Variants in ROBO1 observed in about 807,000 individuals in gnomAD.
ROBO1 encodes roundabout homolog 1.
In ROBO1, 149 loss-of-function variants were observed where a neutral mutation model predicts 195.9. The ratio of observed to expected loss-of-function variants is 0.76; its 90% CI spans 0.67 to 0.87. The LOEUF (loss-of-function observed/expected upper bound fraction) is 0.87. Ranked by LOEUF, ROBO1 falls within the 40% of genes least tolerant of loss-of-function variation. ROBO1 has a pLI of 0.00. For missense variants in ROBO1, 1,933 were observed against 2,068.3 expected, an observed-to-expected ratio of 0.93 and a Z score of 1.27; for synonymous variants, 816 against 733.2, an observed-to-expected ratio of 1.11 and a Z score of -1.82.
intron 1 of ROBO1, among the ~76,000 whole-genome samples, chr3:79,682,147 A>G (rs1344627381): frequency 6.6e-6 from 1 of 151,984 alleles, no homozygotes; most frequent in Non-Finnish European, 1.5e-5. Context: ...AAGCAGACAA[A>G]TTCCTAACGG....
intron 1 of ROBO1, among the ~76,000 whole-genome samples, chr3:79,593,657 C>T (rs1560022246): frequency 1.3e-5 from 2 of 151,952 alleles, no homozygotes; most frequent in Non-Finnish European, 2.9e-5. Context: ...GTCACCCAGA[C>T]TGGAGTACAG....
chr3:78,681,918 C>A (rs2080923560), intron 10 of ROBO1, among the ~76,000 whole-genome samples: 2 of 152,008 alleles, frequency 1.3e-5, no homozygotes, highest in East Asian at 3.9e-4. Context: ...AGAAGCATGG[C>A]AAGCACAATG....
chr3:78,973,127 G>C (rs1576494230), intron 3 of ROBO1, among the ~76,000 whole-genome samples: 1 of 152,064 alleles, frequency 6.6e-6, no homozygotes, highest in Non-Finnish European at 1.5e-5. Context: ...TTGCTGTCTT[G>C]TTGTTACTCC....
At chr3:79,225,362 T>C (rs1033646672) in intron 2 of ROBO1, among the ~76,000 whole-genome samples, 27 of 152,158 alleles carry the variant, frequency 1.8e-4, no homozygotes, top group Non-Finnish European at 3.5e-4. Flanking sequence ...AATACCAAGA[T>C]TGTCTAGTTA....
intron 5 of ROBO1, among the ~76,000 whole-genome samples, chr3:78,735,619 C>T (rs752676151): frequency 1.1e-4 from 16 of 151,960 alleles, no homozygotes; most frequent in South Asian, 6.2e-4. Context: ...CCATACCTAA[C>T]GGATAAATAA....
chr3:78,692,295 T>A (rs2081192635), intron 8 of ROBO1, among the ~76,000 whole-genome samples: 1 of 152,084 alleles, frequency 6.6e-6, no homozygotes, highest in African/African-American at 2.4e-5. Context: ...GGCAGGGTCT[T>A]GTCTCACTCT....
intron 2 of ROBO1, among the ~76,000 whole-genome samples, chr3:79,286,816 T>C (rs969947365): frequency 3.3e-5 from 5 of 152,210 alleles, no homozygotes; most frequent in African/African-American, 9.6e-5. Flanking sequence ...CAATTGATTT[T>C]CATTTTATAA....
chr3:78,795,495 G>A (rs2084158775), intron 4 of ROBO1, among the ~76,000 whole-genome samples: 1 of 152,346 alleles, frequency 6.6e-6, no homozygotes, highest in Non-Finnish European at 1.5e-5. Context: ...TCTTTATTGA[G>A]ATCTCAAAGA....
intron 2 of ROBO1, among the ~76,000 whole-genome samples, chr3:79,519,271 C>A (rs1415496799): frequency 1.3e-5 from 2 of 152,056 alleles, no homozygotes; most frequent in Non-Finnish European, 2.9e-5. Context: ...TTTCTTTCAT[C>A]TTTTACTGGT....
intron 4 of ROBO1, among the ~76,000 whole-genome samples, chr3:78,827,415 A>G (rs562824555): frequency 1.3e-5 from 2 of 152,338 alleles, no homozygotes; most frequent in South Asian, 4.1e-4. Flanking sequence ...TTAATAAATA[A>G]TAAATCTGAG....
chr3:78,952,832 C>G (rs1395865160), intron 3 of ROBO1, among the ~76,000 whole-genome samples: 1 of 151,992 alleles, frequency 6.6e-6, no homozygotes, highest in Non-Finnish European at 1.5e-5. Flanking sequence ...TCTAATGTCT[C>G]TTGATTATAA....
intron 14 of ROBO1, among the ~76,000 whole-genome samples, chr3:78,663,571 C>T (rs1707556090): frequency 6.6e-6 from 1 of 152,112 alleles, no homozygotes; most frequent in South Asian, 2.1e-4. Flanking sequence ...GTTTGCACCC[C>T]ACCTCGGCAA....
At chr3:79,330,757 T>C (rs1576984806) in intron 2 of ROBO1, among the ~76,000 whole-genome samples, 1 of 151,668 alleles carries the variant, frequency 6.6e-6, no homozygotes, top group East Asian at 1.9e-4. Context: ...ATGACAGTCA[T>C]TGGAAATAAG....
At position 79,588,325 on chromosome 3, in the gene ROBO1, A is replaced by G. The variant is rs528730063; in HGVS notation, c.88+1499T>C. Among the ~76,000 whole-genome samples, 14 of 151,744 alleles carry G rather than the reference A, an allele frequency of 9.2e-5. No individual in the cohort carries two copies. The South Asian group carries it at 2.3e-3, about 25-fold the overall frequency. ...TAGATAAACCTTGTACCTTCCCACC[A>G]TATATATTCATACATGCATTCCTTC... On this transcript the variant is annotated intron_variant, in intron 2 of 30. Coordinates refer to ENST00000464233, the MANE Select transcript of ROBO1 (RefSeq NM_002941.4).
chr3:78,840,530 T>C (rs953492623), intron 4 of ROBO1, among the ~76,000 whole-genome samples: 6 of 152,190 alleles, frequency 3.9e-5, no homozygotes, highest in South Asian at 2.1e-4. Context: ...ATTTTAAAGA[T>C]GAGAAAGCCA....
intron 3 of ROBO1, among the ~76,000 whole-genome samples, chr3:78,973,868 C>CCTCTA (rs1413969046): frequency 2.0e-5 from 3 of 151,838 alleles, no homozygotes; most frequent in Admixed American, 1.3e-4. Context: ...ACATGTAGTA[C>CCTCTA]AGTCACATTA....
intron 1 of ROBO1, among the ~76,000 whole-genome samples, chr3:79,754,284 C>T (rs1704268061): frequency 6.6e-6 from 1 of 151,994 alleles, no homozygotes; most frequent in Admixed American, 6.6e-5. Context: ...GACAGGAAAG[C>T]AGAGAGAGAG....
At chr3:79,263,395 T>A (rs888892432) in intron 2 of ROBO1, among the ~76,000 whole-genome samples, 5 of 152,076 alleles carry the variant, frequency 3.3e-5, no homozygotes, top group African/African-American at 1.2e-4. Flanking sequence ...ATGCCTATAA[T>A]CCTAGCACTT....
At chr3:79,014,962 A>G (rs4327350) in intron 3 of ROBO1, among the ~76,000 whole-genome samples, 150,253 of 152,184 alleles carry the variant, frequency 0.99, 74,184 homozygotes, top group East Asian at 1. Flanking sequence ...TTAAATTAGA[A>G]ATATCTAGTC....
Sources: allele counts gnomAD v4.1 joint callset (sites outside exome capture counted in the v4.1 genomes callset), GRCh38; gene constraint gnomAD v4.1.1; transcripts MANE v1.5; gene names NCBI Gene and HGNC (gene_info 2026-07-23, HGNC 2026-07-21).